Variants in SNX8 observed in about 807,000 individuals in gnomAD.
SNX8 encodes sorting nexin-8.
SNX8 carries 25 observed loss-of-function variants against 51.6 expected under a neutral mutation model. The observed-to-expected ratio is 0.48, with a 90% CI of 0.35 to 0.68. The LOEUF (loss-of-function observed/expected upper bound fraction) is 0.68, where lower values mean the gene tolerates loss of function less well. Among genes scored for constraint, SNX8 ranks in the 30% least tolerant of loss-of-function variants. SNX8 has a pLI of 0.00. For synonymous variants in SNX8, 324 were observed against 277.0 expected, an observed-to-expected ratio of 1.17 and a Z score of -1.68; for missense variants, 695 against 624.0, an observed-to-expected ratio of 1.11 and a Z score of -1.21.
chr7:2,262,978 G>T (rs1308676274), intron 7 of SNX8, among the ~76,000 whole-genome samples: 1 of 152,220 alleles, frequency 6.6e-6, no homozygotes, highest in Non-Finnish European at 1.5e-5. Context: ...AATTAGCCAG[G>T]CATGGTGGTG....
chr7:2,258,773 G>A (rs1438373948), intron 7 of SNX8, among the ~76,000 whole-genome samples: 1 of 152,126 alleles, frequency 6.6e-6, no homozygotes, highest in Non-Finnish European at 1.5e-5. Flanking sequence ...GGTGGACACA[G>A]GCTCCTCTTC....
upstream of SNX8, among the ~76,000 whole-genome samples, chr7:2,316,229 C>T (rs1444966628): frequency 6.7e-6 from 1 of 148,312 alleles, no homozygotes; most frequent in Non-Finnish European, 1.5e-5. Context: ...TCACTGCATC[C>T]TGCATTCATT....
intron 1 of SNX8, among the ~76,000 whole-genome samples, chr7:2,323,257 G>C (rs1039029416): frequency 6.6e-5 from 10 of 151,168 alleles, no homozygotes; most frequent in African/African-American, 1.9e-4. Context: ...TTGAACTTTG[G>C]GGGTGGAGGT....
chr7:2,327,718 A>AT (rs1402721628), intron 1 of SNX8, among the ~76,000 whole-genome samples: 3 of 123,024 alleles, frequency 2.4e-5, no homozygotes, highest in East Asian at 2.4e-4. Flanking sequence ...AATTTTTTGT[A>AT]TTTTAAGTAG....
chr7:2,341,519 G>A (rs1157799501), intron 1 of SNX8, among the ~76,000 whole-genome samples: 3 of 151,556 alleles, frequency 2.0e-5, no homozygotes, highest in Non-Finnish European at 4.4e-5. Context: ...CAAAAATGAA[G>A]TTGAAGGCTA....
chr7:2,325,515 A>C (rs1209645287), intron 1 of SNX8, among the ~76,000 whole-genome samples: 1 of 152,094 alleles, frequency 6.6e-6, no homozygotes, highest in Non-Finnish European at 1.5e-5. Flanking sequence ...GGTGCTGCTG[A>C]TGAGGGCTCA....
intron 5 of SNX8, among the ~76,000 whole-genome samples, chr7:2,267,969 A>G (rs1437753492): frequency 2.5e-4 from 31 of 123,990 alleles, no homozygotes; most frequent in Admixed American, 1.3e-3. Context: ...CCGCCGCCCC[A>G]TCTGGGATGT....
chr7:2,281,088 C>T (rs948256061), intron 1 of SNX8, among the ~76,000 whole-genome samples: 2 of 151,962 alleles, frequency 1.3e-5, no homozygotes, highest in African/African-American at 4.8e-5. Flanking sequence ...ACACCGCGCC[C>T]GGCCAGATGC....
intron 1 of SNX8, among the ~76,000 whole-genome samples, chr7:2,309,175 T>C (rs1796611324): frequency 6.6e-6 from 1 of 152,118 alleles, no homozygotes; most frequent in African/African-American, 2.4e-5. Flanking sequence ...TCCTCCTGCC[T>C]TAACCTCCCA....
At position 2,352,753 on chromosome 7, in the gene SNX8, G is replaced by A. The variant is rs1047498173; in HGVS notation, c.-66+1469C>T. Among the ~76,000 whole-genome samples the A allele has an allele frequency of 5.3e-5, 8 of 152,014 alleles. No individual in the cohort carries two copies. In the East Asian group the frequency reaches 1.2e-3, roughly 22 times the overall value. On this transcript the variant is annotated intron_variant, in intron 1 of 5. Coordinates refer to the SNX8 transcript ENST00000435336. ...TGGGAGGCTGAGGCAAGAGAATGGC[G>A]TGAACCCGGGAGGTGGAGCTTGCAG...
intron 1 of SNX8, among the ~76,000 whole-genome samples, chr7:2,286,181 T>G (rs983217782): frequency 6.6e-6 from 1 of 151,222 alleles, no homozygotes; most frequent in East Asian, 2.0e-4. Flanking sequence ...CTGACTAATT[T>G]TTGTATTTTG....
rs1222791725 is a variant in SNX8, at chr7:2,257,742, G to T, written c.977C>A (p.Ser326Tyr). Residue 326 changes from serine to tyrosine, a missense_variant, in exon 8 of 11, where the codon TCC becomes TAC. By Grantham distance (144) the Ser-to-Tyr change is moderately radical (BLOSUM62 -2). Transcript: ENST00000222990. ...KLNLFLDLLQ[S>Y]YKDLCERHEK... ...GGAGCAGCCAAGACTCACCTTATAG[G>T]ACTGCAGCAGATCCAAGAAGAGGTT... 6.2e-7 allele frequency: 1 copy of T among 1,613,698 alleles called. No homozygotes were observed. Among genetic ancestry groups the T allele is most frequent in the Non-Finnish European group, 8.5e-7 (1 of 1,179,828 alleles).
intron 1 of SNX8, among the ~76,000 whole-genome samples, chr7:2,323,147 C>G (rs528305403): frequency 6.6e-6 from 1 of 151,948 alleles, no homozygotes; most frequent in Non-Finnish European, 1.5e-5. Context: ...CCGGCCAATA[C>G]GGTGAAACCC....
intron 1 of SNX8, among the ~76,000 whole-genome samples, chr7:2,340,663 C>G (rs1210045296): frequency 6.6e-6 from 1 of 150,842 alleles, no homozygotes; most frequent in Non-Finnish European, 1.5e-5. Flanking sequence ...TCAAGACCAG[C>G]CTGGCCAATA....
At chr7:2,329,000 C>T (rs1260784524) in intron 1 of SNX8, among the ~76,000 whole-genome samples, 1 of 151,732 alleles carries the variant, frequency 6.6e-6, no homozygotes, top group Non-Finnish European at 1.5e-5. Flanking sequence ...GCAGGAGAAT[C>T]ATGTGAACCC....
At chr7:2,279,461 A>G (rs925264424) in intron 1 of SNX8, among the ~76,000 whole-genome samples, 2 of 152,184 alleles carry the variant, frequency 1.3e-5, no homozygotes, top group African/African-American at 4.8e-5. Flanking sequence ...TGTTCAAAAA[A>G]ATCATGGTGG....
In SNX8 at chr7:2,297,550, CAAAAAAAAA is replaced by C. The variant is rs145543350; in HGVS notation, c.94+16769_94+16777del. 8.4e-4 allele frequency among the ~76,000 whole-genome samples: 34 copies of C among 40,272 alleles called. No homozygotes were observed. In the East Asian group the frequency reaches 0.012, roughly 14 times the overall value. The allele number at this position is 40,272 out of a possible 152,430, so 26.4% of individuals were successfully genotyped here. ...GGGCAACAGGAGCAAAACCCCGCCG[CAAAAAAAAA>C]AAAAAAAAAAAAAAAAAATACCTGC... On this transcript the variant is annotated intron_variant, in intron 1 of 10. Transcript: ENST00000222990.
rs956532725 is a variant in SNX8, at chr7:2,310,901, C to T, written c.94+3427G>A. Among the ~76,000 whole-genome samples the T allele has an allele frequency of 7.2e-5, 11 of 152,154 alleles. No individual in the cohort carries two copies. In the South Asian group the frequency reaches 2.3e-3, roughly 32 times the overall value. On this transcript the variant is annotated intron_variant, in intron 1 of 10. Coordinates refer to ENST00000222990, the MANE Select transcript of SNX8 (RefSeq NM_013321.4). ...TACATATATGAATAAAATGTGAAAACAGAACTAAAACGGTCCATCCCAAAC... is the reference window on the plus strand; with the variant it reads ...TACATATATGAATAAAATGTGAAAATAGAACTAAAACGGTCCATCCCAAAC...
chr7:2,282,132 A>G (rs1212829733), intron 1 of SNX8, among the ~76,000 whole-genome samples: 1 of 152,174 alleles, frequency 6.6e-6, no homozygotes, highest in Non-Finnish European at 1.5e-5. Flanking sequence ...CAAATAGAAA[A>G]CATTCAATAA....
Sources: allele counts gnomAD v4.1 joint callset (sites outside exome capture counted in the v4.1 genomes callset), GRCh38; gene constraint gnomAD v4.1.1; transcripts MANE v1.5; gene names NCBI Gene and HGNC (gene_info 2026-07-23, HGNC 2026-07-21).